The following KIF13B variants were observed in gnomAD, a reference collection of about 807,000 sequenced individuals.
KIF13B encodes the protein kinesin family member 13B, also known as kinesin-like protein KIF13B.
In KIF13B, 127 loss-of-function variants were observed where a neutral mutation model predicts 222.0. The ratio of observed to expected loss-of-function variants is 0.57; its 90% CI spans 0.50 to 0.66. KIF13B has a LOEUF of 0.66. Among genes scored for constraint, KIF13B ranks in the 30% least tolerant of loss-of-function variants. KIF13B has a pLI of 0.00. For missense variants in KIF13B, 2,173 were observed against 2,379.0 expected, an observed-to-expected ratio of 0.91 and a Z score of 1.80; for synonymous variants, 976 against 919.0, an observed-to-expected ratio of 1.06 and a Z score of -1.12.
Position 29,140,035 on chromosome 8 carries a change from G to A in KIF13B, c.2613+28C>T, listed in dbSNP as rs890114345. Reference sequence around the variant, plus strand: ...AAACTGCAATGACTTTTGTATCAACGTAATACTAGGATGAAGCTGGGACTT... The same window carrying A: ...AAACTGCAATGACTTTTGTATCAACATAATACTAGGATGAAGCTGGGACTT... On this transcript the variant is annotated intron_variant, in intron 21 of 39. Transcript: ENST00000524189. The A allele has an allele frequency of 6.5e-6, 10 of 1,546,198 alleles. No homozygotes were observed. In the East Asian group the frequency reaches 1.7e-4, roughly 26 times the overall value.
chr8:29,074,845 C>T (rs1195219033), intron 38 of KIF13B, among the ~76,000 whole-genome samples: 1 of 152,214 alleles, frequency 6.6e-6, no homozygotes, highest in African/African-American at 2.4e-5. Flanking sequence ...AATAGATTTG[C>T]TATTCATAAG....
At chr8:29,257,022 T>C (rs2117176424) in intron 1 of KIF13B, among the ~76,000 whole-genome samples, 1 of 152,348 alleles carries the variant, frequency 6.6e-6, no homozygotes, top group East Asian at 1.9e-4. Flanking sequence ...CCCAAAGTGC[T>C]GGGAGTACAG....
At chr8:29,173,417 T>C (rs1812334432) in intron 10 of KIF13B, among the ~76,000 whole-genome samples, 1 of 150,240 alleles carries the variant, frequency 6.7e-6, no homozygotes, top group African/African-American at 2.5e-5. Context: ...GGCCAGGAGT[T>C]CAAGACCAGC....
intron 9 of KIF13B, among the ~76,000 whole-genome samples, chr8:29,177,235 G>C (rs2130250789): frequency 6.6e-6 from 1 of 151,548 alleles, no homozygotes; most frequent in East Asian, 2.0e-4. Flanking sequence ...CCCATGAAAA[G>C]AATTACCTGA....
chr8:29,173,663 G>C (rs1293326514), intron 10 of KIF13B, among the ~76,000 whole-genome samples: 1 of 151,728 alleles, frequency 6.6e-6, no homozygotes, highest in Non-Finnish European at 1.5e-5. Context: ...CAAATTCCTG[G>C]CCAGTCGCAG....
intron 2 of KIF13B, among the ~76,000 whole-genome samples, chr8:29,230,279 C>T (rs956041563): frequency 6.6e-6 from 1 of 152,222 alleles, no homozygotes; most frequent in African/African-American, 2.4e-5. Flanking sequence ...TTCCCATCCC[C>T]AGACACAGTG....
chr8:29,097,763 G>C (rs577096216), intron 36 of KIF13B, among the ~76,000 whole-genome samples: 2 of 152,242 alleles, frequency 1.3e-5, no homozygotes, highest in East Asian at 3.9e-4. Flanking sequence ...AACTGGTTCT[G>C]AGATTAATAT....
chr8:29,162,644 A>C (rs1811830819), intron 12 of KIF13B, among the ~76,000 whole-genome samples: 1 of 152,240 alleles, frequency 6.6e-6, no homozygotes, highest in African/African-American at 2.4e-5. Context: ...TATAATGGTA[A>C]AAACGCTACA....
At chr8:29,205,966 T>C (rs11990580) in intron 2 of KIF13B, among the ~76,000 whole-genome samples, 79,980 of 151,308 alleles carry the variant, frequency 0.53, 21,787 homozygotes, top group Middle Eastern at 0.62. Flanking sequence ...TGGCATGCAC[T>C]TGTGGTCCTC....
At position 29,092,756 on chromosome 8, in the gene KIF13B, G is replaced by C; in HGVS notation, c.4447C>G (p.Leu1483Val). ...TCGGTGCTTTTTACCTGGTGTGCGA[G>C]GGGAGACGGCCGCTTGCCCCTCTTC... ...DEKRGKRPSP[L>V]AHQPVPRIMV... Residue 1483 changes from leucine (L) to valine (V), a missense_variant, in exon 37 of 40, where the codon CTC becomes GTC. Around this residue, in one of 2 missense-constraint regions of KIF13B, gnomAD observed 693 missense variants for 656.2 expected, o/e 1.06. Coordinates refer to ENST00000524189, the MANE Select transcript of KIF13B (RefSeq NM_015254.4). 1.2e-6 allele frequency: 2 copies of C among 1,612,530 alleles called. No individual in the cohort carries two copies. Among genetic ancestry groups the C allele is most frequent in the Non-Finnish European group, 1.7e-6 (2 of 1,179,434 alleles).
intron 35 of KIF13B, among the ~76,000 whole-genome samples, chr8:29,104,862 A>G (rs1025984065): frequency 1.3e-5 from 2 of 151,254 alleles, no homozygotes; most frequent in African/African-American, 4.9e-5. Flanking sequence ...CTCTTGCCTC[A>G]GCCTCCCGAG....
At chr8:29,200,361 G>A (rs527627639) in intron 2 of KIF13B, among the ~76,000 whole-genome samples, 5 of 152,290 alleles carry the variant, frequency 3.3e-5, no homozygotes, top group African/African-American at 1.2e-4. Flanking sequence ...GGAGATTCAG[G>A]AAGCAAAAGC....
intron 1 of KIF13B, among the ~76,000 whole-genome samples, chr8:29,252,484 G>T (rs960770517): frequency 6.6e-6 from 1 of 152,172 alleles, no homozygotes; most frequent in East Asian, 1.9e-4. Context: ...CAGAAACATA[G>T]GTGTACCTCC....
intron 37 of KIF13B, among the ~76,000 whole-genome samples, chr8:29,077,512 C>T (rs1034320876): frequency 1.3e-5 from 2 of 152,208 alleles, no homozygotes; most frequent in Non-Finnish European, 2.9e-5. Context: ...CTACATCTTA[C>T]CTAAAGTGGA....
chr8:29,197,596 T>A (rs924060574), intron 2 of KIF13B, among the ~76,000 whole-genome samples: 1 of 152,178 alleles, frequency 6.6e-6, no homozygotes, highest in Non-Finnish European at 1.5e-5. Flanking sequence ...CAAACATGCC[T>A]CTTTAACAAT....
chr8:29,103,687 AG>A lies in KIF13B; in HGVS notation c.4216-4447del, dbSNP rs976571285. ...AAAAACAATTCCACTTTTCATATGT[AG>A]GGGCATCGACAAATAGAGGAATGGA... is the stretch of plus-strand genomic sequence containing the variant. On this transcript the variant is annotated intron_variant, in intron 35 of 39. Coordinates refer to ENST00000524189, the MANE Select transcript of KIF13B (RefSeq NM_015254.4). 5.3e-5 allele frequency among the ~76,000 whole-genome samples: 8 copies of A among 152,222 alleles called. 1 individual carries two copies. The highest frequency in any genetic ancestry group is 2.6e-4 in the Admixed American group (4 of 15,286).
rs764814097 is a variant in KIF13B at position 29,120,165 on chromosome 8, AGTTT to A, written c.3536-1177_3536-1174del. 1.2e-4 allele frequency among the ~76,000 whole-genome samples: 12 copies of A among 103,672 alleles called. 1 individual carries two copies. The highest frequency in any genetic ancestry group is 2.1e-4 in the Non-Finnish European group (11 of 53,024). The allele number at this position is 103,672 out of a possible 152,430, so 68.0% of individuals were successfully genotyped here. Reference sequence around the variant, plus strand: ...GGTGAGTGGGAAACAGAAAAATGACAGTTTTTTTTTTTTTTTTTTTTTTTTTATT... The same window carrying A: ...GGTGAGTGGGAAACAGAAAAATGACATTTTTTTTTTTTTTTTTTTTTTATT... On this transcript the variant is annotated intron_variant, in intron 29 of 39. Transcript: ENST00000524189.
At chr8:29,084,064 A>C (rs1204112717) in intron 37 of KIF13B, among the ~76,000 whole-genome samples, 2 of 151,986 alleles carry the variant, frequency 1.3e-5, no homozygotes, top group Non-Finnish European at 2.9e-5. Flanking sequence ...ACAGGCGCCC[A>C]CCACCACGCC....
chr8:29,205,093 G>A (rs951777942), intron 2 of KIF13B, among the ~76,000 whole-genome samples: 1 of 152,116 alleles, frequency 6.6e-6, no homozygotes, highest in Admixed American at 6.5e-5. Flanking sequence ...GGAGGCAAAG[G>A]CAGGAGGATC....
Sources: gnomAD v4.1 joint callset for allele counts (sites outside exome capture counted in the v4.1 genomes callset) on GRCh38, gnomAD v4.1.1 for gene constraint, gnomAD v4.1.1 regional missense constraint, MANE v1.5 for transcripts, NCBI Gene and HGNC (gene_info 2026-07-23, HGNC 2026-07-21) for gene names.